TMEM120A: variants seen among roughly 807,000 people sequenced by gnomAD.
TMEM120A encodes ion channel TACAN.
TMEM120A carries 45 observed loss-of-function variants against 54.3 expected under a neutral mutation model. The ratio of observed to expected loss-of-function variants is 0.83; its 90% CI spans 0.65 to 1.06. TMEM120A has a LOEUF of 1.06. Ranked by LOEUF, TMEM120A falls within the 50% of genes least tolerant of loss-of-function variation. TMEM120A has a pLI of 0.00. For synonymous variants in TMEM120A, 204 were observed against 178.5 expected, an observed-to-expected ratio of 1.14 and a Z score of -1.14; for missense variants, 424 against 441.7, an observed-to-expected ratio of 0.96 and a Z score of 0.36.
At chr7:75,990,115 C>T (rs1789778616) in intron 3 of TMEM120A, among the ~76,000 whole-genome samples, 1 of 152,282 alleles carries the variant, frequency 6.6e-6, no homozygotes, top group African/African-American at 2.4e-5. Context: ...CACAGTGCTC[C>T]CCAAGCAGGC....
intron 4 of TMEM120A, 57 bp from the exon 5 acceptor site, chr7:75,988,573 C>T: frequency 1.5e-6 from 2 of 1,307,192 alleles, no homozygotes; most frequent in Middle Eastern, 2.6e-4. Context: ...ATGTGTGCCC[C>T]CACCCCGGGA....
chr7:75,988,293 G>T lies in TMEM120A; in HGVS notation c.522C>A (p.Thr174=). The change falls in exon 6 of 12, where the codon ACC becomes ACA. Residue 174 remains threonine, a synonymous_variant. Coordinates refer to ENST00000493111, the MANE Select transcript of TMEM120A (RefSeq NM_031925.3). ...TGAGGATGCTCTCCCGGATGGTCAGGGTGCAGTAGTACCAGACCAGCAGGA... is the reference window on the plus strand; with the variant it reads ...TGAGGATGCTCTCCCGGATGGTCAGTGTGCAGTAGTACCAGACCAGCAGGA... ...FNFLLVWYYC[T]LTIRESILIN... is the part of the protein sequence containing the mutation. 2 of 1,612,230 alleles carry T rather than the reference G, an allele frequency of 1.2e-6. No individual in the cohort carries two copies. Among genetic ancestry groups the T allele is most frequent in the Non-Finnish European group, 1.7e-6 (2 of 1,179,884 alleles).
chr7:75,987,781 GGTA>G lies in TMEM120A; in HGVS notation c.718_720del (p.Tyr240del), dbSNP rs782236348. ...CGCAGGCGGTAGAGGCAGCCGCTCT[GGTA>G]GTAGTACTGGAGAAACTGCACGAAG... On this transcript the variant is annotated inframe_deletion, in exon 9 of 12. Coordinates refer to ENST00000493111, the MANE Select transcript of TMEM120A (RefSeq NM_031925.3). The G allele has an allele frequency of 1.9e-6, 3 of 1,612,202 alleles. No homozygotes were observed. Among genetic ancestry groups the G allele is most frequent in the Middle Eastern group, 1.6e-4 (1 of 6,062 alleles).
Position 75,992,447 on chromosome 7 carries a change from G to A in TMEM120A, c.192C>T (p.Ala64=), listed in dbSNP as rs1482006771. 3.8e-6 allele frequency: 6 copies of A among 1,593,050 alleles called. No homozygotes were observed. Among genetic ancestry groups the A allele is most frequent in the Non-Finnish European group, 4.3e-6 (5 of 1,170,260 alleles). ...GGGTAGGGGATCCTAACTTCTTCAG[G>A]GCGAGGGCCAGCTCCTGGAGCCGCT... ...QKKRLQELAL[A]LKKCKPSLPA... Residue 64 remains alanine (A), a synonymous_variant, in exon 2 of 12, where the codon GCC becomes GCT. Transcript: ENST00000493111.
rs1789561042 is a variant in TMEM120A, at chr7:75,987,364, C to T, written c.914G>A (p.Trp305Ter). 1 of 1,564,710 alleles carries T rather than the reference C, an allele frequency of 6.4e-7. No individual in the cohort carries two copies. The highest frequency in any genetic ancestry group is 1.4e-5 in the African/African-American group (1 of 73,720). ...NLAQDPQCKE[W>*]QVLMCGFPFL... ...TGTCCAGGGACCCCGGCTCACCTGC[C>T]ACTCCTTGCACTGAGGGTCCTGGGC... Residue 305 changes from tryptophan to a stop codon, truncating the protein, a stop_gained, in exon 11 of 12, where the codon TGG (tryptophan) becomes TAG (stop). Coordinates refer to ENST00000493111, the MANE Select transcript of TMEM120A (RefSeq NM_031925.3). LOFTEE classifies it high-confidence loss of function.
chr7:75,987,232 G>A lies in TMEM120A; in HGVS notation c.972C>T (p.Thr324=), dbSNP rs782093793. The part of the protein sequence containing the change: ...FLLLFLGNFF[T]TLRVVHHKFH... ...ACTTGTGGTGCACAACCCTCAGGGTGGTGAAGAAATTGCCGAGGAAAAGGA... is the reference window on the plus strand; with the variant it reads ...ACTTGTGGTGCACAACCCTCAGGGTAGTGAAGAAATTGCCGAGGAAAAGGA... The change falls in exon 12 of 12, where the codon ACC becomes ACT. Residue 324 remains threonine (T), a synonymous_variant. Coordinates refer to ENST00000493111, the MANE Select transcript of TMEM120A (RefSeq NM_031925.3). 8 of 1,608,892 alleles carry A rather than the reference G, an allele frequency of 5.0e-6. No homozygotes were observed. In the South Asian group the frequency reaches 6.7e-5, roughly 13 times the overall value.
At chr7:75,992,611 C>A in intron 1 of TMEM120A, 54 bp from the exon 2 acceptor site, 1 of 1,379,150 alleles carries the variant, frequency 7.3e-7, no homozygotes, top group Non-Finnish European at 9.9e-7. Context: ...TGAGCCAGAG[C>A]CTGCAGGCAG....
rs375800597 is a variant in TMEM120A, at chr7:75,987,181, C to T, written c.1023G>A (p.Lys341=). 8.7e-6 allele frequency: 14 copies of T among 1,600,172 alleles called. No homozygotes were observed. The African/African-American group carries it at 1.9e-4, about 21-fold the overall frequency. The part of the protein sequence containing the change: ...HKFHSQRHGS[K]KD ...AGGGGAAGGCCCAGCCTCAATCCTT[C>T]TTGCTCCCGTGCCGCTGACTGTGAA... is the stretch of plus-strand genomic sequence containing the variant. The change falls in exon 12 of 12, where the codon AAG becomes AAA. Residue 341 remains lysine (K), a synonymous_variant. Coordinates refer to ENST00000493111, the MANE Select transcript of TMEM120A (RefSeq NM_031925.3).
At position 75,988,091 on chromosome 7, in the gene TMEM120A, C is replaced by A; in HGVS notation, c.621G>T (p.Met207Ile). Residue 207 changes from methionine (M) to isoleucine (I), a missense_variant, in exon 7 of 12, where the codon ATG (methionine) becomes ATT (isoleucine). Met to Ile is a conservative substitution (Grantham distance 10). Coordinates refer to ENST00000493111, the MANE Select transcript of TMEM120A (RefSeq NM_031925.3). The stretch of plus-strand genomic sequence containing the variant: ...GGGGCCCAGCCACTCACCACGTCAG[C>A]ATGACTCCCGACAGGAAGGTGGACA... ...HYVSTFLSGV[M>I]LTWPDGLMYQ... 1 of 1,607,926 alleles carries A rather than the reference C, an allele frequency of 6.2e-7. No homozygotes were observed. The highest frequency in any genetic ancestry group is 8.5e-7 in the Non-Finnish European group (1 of 1,177,740).
intron 3 of TMEM120A, among the ~76,000 whole-genome samples, chr7:75,990,976 A>G (rs1789824961): frequency 6.6e-6 from 1 of 151,162 alleles, no homozygotes; most frequent in Non-Finnish European, 1.5e-5. Flanking sequence ...CCCAAGATCG[A>G]CATCCATCCC....
Position 75,987,164 on chromosome 7 carries a change from GC to G in TMEM120A, c.*7del, listed in dbSNP as rs1189963840. 1.3e-6 allele frequency: 2 copies of G among 1,587,916 alleles called. No individual in the cohort carries two copies. The highest frequency in any genetic ancestry group is 1.7e-6 in the Non-Finnish European group (2 of 1,167,706). ...AGCCCCTCTGGGCCGGCAGGGGAAG[GC>G]CCAGCCTCAATCCTTCTTGCTCCCG... On this transcript the variant is annotated 3_prime_UTR_variant, in exon 12 of 12. Transcript: ENST00000493111.
chr7:75,994,365 G>A (rs1191955623), intron 1 of TMEM120A, 125 bp downstream of exon 1: 4 of 811,008 alleles, frequency 4.9e-6, no homozygotes, highest in African/African-American at 1.8e-5. Flanking sequence ...CCCCTTGGCA[G>A]TGACGCCAGG....
Position 75,987,434 on chromosome 7 carries a change from C to A in TMEM120A, c.850-6G>T. 6.4e-7 allele frequency: 1 copy of A among 1,560,328 alleles called. No homozygotes were observed. The highest frequency in any genetic ancestry group is 8.7e-7 in the Non-Finnish European group (1 of 1,152,162). ...GCGTTAAAAAGCTGCCAGAACTAAG[C>A]AGGGAGGAGGCATTTTACTCAGAAG... On this transcript the variant is annotated splice_polypyrimidine_tract_variant and splice_region_variant and intron_variant, in intron 10 of 11. Transcript: ENST00000493111.
rs782602833 is a variant in TMEM120A at position 75,988,416 on chromosome 7, C to G, written c.473+5G>C. On this transcript the variant is annotated splice_donor_5th_base_variant and intron_variant, in intron 5 of 11. Transcript: ENST00000493111. ...GTGGGTCCTCGGCCGGGGTGGGACG[C>G]CCACCTGGAGTTGAGCAGGAAGCGG... 2.5e-6 allele frequency: 4 copies of G among 1,611,046 alleles called. No individual in the cohort carries two copies. Among genetic ancestry groups the G allele is most frequent in the Non-Finnish European group, 3.4e-6 (4 of 1,179,366 alleles).
chr7:75,991,230 C>T (rs1232521185), intron 3 of TMEM120A, among the ~76,000 whole-genome samples: 2 of 152,060 alleles, frequency 1.3e-5, no homozygotes. Flanking sequence ...CACATTCCAC[C>T]GCCCCCGCCC....
At chr7:75,987,517 G>A (rs1563438910) in intron 10 of TMEM120A, 21 bp downstream of exon 10, 1 of 1,579,960 alleles carries the variant, frequency 6.3e-7, no homozygotes. Flanking sequence ...AGACAGGCAG[G>A]GACACAGAGG....
chr7:75,992,354 G>A, intron 2 of TMEM120A, 85 bp downstream of exon 2: 3 of 1,549,688 alleles, frequency 1.9e-6, no homozygotes, highest in Non-Finnish European at 2.6e-6. Context: ...GGCCCAGAGA[G>A]GGGAGGGGCG....
intron 3 of TMEM120A, 25 bp downstream of exon 3, chr7:75,992,119 T>C: frequency 6.5e-7 from 1 of 1,529,666 alleles, no homozygotes; most frequent in South Asian, 1.2e-5. Context: ...TGAACTGAGC[T>C]GGGGGTGGCG....
chr7:75,992,060 C>T (rs1472306691), intron 3 of TMEM120A, 84 bp downstream of exon 3: 2 of 986,968 alleles, frequency 2.0e-6, no homozygotes, highest in Non-Finnish European at 3.1e-6. Flanking sequence ...GGAACATTTG[C>T]TGACTATAAT....
Sources: allele counts gnomAD v4.1 joint callset (sites outside exome capture counted in the v4.1 genomes callset), GRCh38; gene constraint gnomAD v4.1.1; transcripts MANE v1.5; gene names NCBI Gene and HGNC (gene_info 2026-07-23, HGNC 2026-07-21).